Variants in COL5A1 observed in about 807,000 individuals in gnomAD.
The protein encoded by COL5A1 is collagen type V alpha 1 chain, also known as collagen alpha-1(V) chain.
In COL5A1, 16 loss-of-function variants were observed where a neutral mutation model predicts 263.7. That is an observed-to-expected ratio of 0.06 (90% CI 0.04 to 0.09). The LOEUF is 0.09. Among genes scored for constraint, COL5A1 ranks in the 10% least tolerant of loss-of-function variants. The pLI is 1.00. For synonymous variants in COL5A1, 1,012 were observed against 1,004.5 expected (o/e 1.01, Z -0.14); for missense variants, 2,036 against 2,540.5 (o/e 0.80, Z 4.27).
At chr9:134,764,128 G>A in intron 20 of COL5A1, among the ~76,000 whole-genome samples, 1 of 140,406 alleles carries the variant, frequency 7.1e-6, no homozygotes, top group South Asian at 2.4e-4. Context: ...GGGCATGGGG[G>A]TGGGGGGTAC....
intron 41 of COL5A1, among the ~76,000 whole-genome samples, chr9:134,805,914 G>A (rs931723686): frequency 5.9e-5 from 9 of 152,150 alleles, no homozygotes; most frequent in South Asian, 4.1e-4. Flanking sequence ...GGGAGGGGGT[G>A]CCAGGCTTCT....
Position 134,802,927 on chromosome 9 carries a change from C to T in COL5A1, c.3046C>T (p.His1016Tyr). 6.2e-7 allele frequency: 1 copy of T among 1,612,100 alleles called. No homozygotes were observed. Among genetic ancestry groups the T allele is most frequent in the Non-Finnish European group, 8.5e-7 (1 of 1,179,606 alleles). Residue 1016 changes from histidine to tyrosine, a missense_variant, in exon 39 of 66, where the codon CAC becomes TAC. Physicochemically the swap from His to Tyr is moderately conservative, Grantham distance 83. Coordinates refer to ENST00000371817, the MANE Select transcript of COL5A1 (RefSeq NM_000093.5). ...GETGPMGERG[H>Y]PGPPGPPGEQ... ...AACGGGCCCAATGGGTGAGCGTGGC[C>T]ACCCTGGGCCCCCTGGACCCCCCGG...
chr9:134,731,792 A>C, intron 8 of COL5A1, 129 bp downstream of exon 8: 1 of 1,090,612 alleles, frequency 9.2e-7, no homozygotes, highest in Non-Finnish European at 1.3e-6. Flanking sequence ...CCTATTCCCA[A>C]AACTTTATTT....
chr9:134,740,376 C>G (rs959039361), intron 11 of COL5A1, among the ~76,000 whole-genome samples: 1 of 152,226 alleles, frequency 6.6e-6, no homozygotes, highest in Non-Finnish European at 1.5e-5. Context: ...GATGGGGCAA[C>G]GGCCAAGCTC....
chr9:134,826,670 T>C (rs1839279937), intron 63 of COL5A1, among the ~76,000 whole-genome samples: 1 of 142,428 alleles, frequency 7.0e-6, no homozygotes, highest in Admixed American at 6.8e-5. Context: ...GATGGGTGTG[T>C]GTATGGGTGG....
At chr9:134,753,759 T>TCCCCCAGCCCCACCCCAGCCACCCCCC in intron 14 of COL5A1, 91 bp from the exon 15 acceptor site, 1 of 540,648 alleles carries the variant, frequency 1.8e-6, no homozygotes, top group East Asian at 4.5e-5. Context: ...CCCTGTCCCC[T>TCCCCCAGCCCCACCCCAGCCACCCCCC]CCCCCTGCCC....
At chr9:134,823,858 G>A (rs1311473692) in intron 61 of COL5A1, among the ~76,000 whole-genome samples, 3 of 136,790 alleles carry the variant, frequency 2.2e-5, no homozygotes, top group Non-Finnish European at 5.1e-5. Context: ...GTTTGTATGT[G>A]CATGTGTGTG....
chr9:134,756,990 C>T (rs773815657), intron 17 of COL5A1, among the ~76,000 whole-genome samples, 172 bp downstream of exon 17: 53 of 152,240 alleles, frequency 3.5e-4, no homozygotes, highest in Middle Eastern at 3.4e-3. Context: ...CGCCAGCAAG[C>T]GTGACAGTTG....
chr9:134,685,814 A>G (rs1833054946), intron 1 of COL5A1, among the ~76,000 whole-genome samples: 1 of 128,508 alleles, frequency 7.8e-6, no homozygotes, highest in Admixed American at 8.0e-5. Context: ...CTATCCATCC[A>G]TTCATCCATC....
intron 63 of COL5A1, among the ~76,000 whole-genome samples, chr9:134,828,657 C>CAGAT (rs1310904580): frequency 4.8e-5 from 6 of 126,114 alleles, no homozygotes; most frequent in African/African-American, 1.2e-4. Flanking sequence ...ACACATACCA[C>CAGAT]ACACACACCC....
At chr9:134,643,861 G>A (rs1289184704) in intron 1 of COL5A1, among the ~76,000 whole-genome samples, 1 of 152,138 alleles carries the variant, frequency 6.6e-6, no homozygotes, top group African/African-American at 2.4e-5. Context: ...AGACAGCTGG[G>A]GCAGGGCACT....
At position 134,690,949 on chromosome 9, in the gene COL5A1, C is replaced by A; in HGVS notation, c.147C>A (p.His49Gln). 1 of 1,613,852 alleles carries A rather than the reference C, an allele frequency of 6.2e-7. No individual in the cohort carries two copies. The highest frequency in any genetic ancestry group is 8.5e-7 in the Non-Finnish European group (1 of 1,180,044). The change falls in exon 2 of 66, where the codon CAC (histidine) becomes CAA (glutamine). Residue 49 changes from histidine to glutamine, a missense_variant. His to Gln is a conservative substitution (Grantham distance 24, BLOSUM62 0). Coordinates refer to ENST00000371817, the MANE Select transcript of COL5A1 (RefSeq NM_000093.5). ...ATCTCCTGAAGGTTCTAGATTTTCA[C>A]AACTTGCCTGATGGAATAACAAAGA... ...PADLLKVLDFHNLPDGITKTT... is the reference protein window; with the variant it reads ...PADLLKVLDFQNLPDGITKTT...
At chr9:134,801,124 G>A (rs1838098467) in intron 37 of COL5A1, among the ~76,000 whole-genome samples, 1 of 152,270 alleles carries the variant, frequency 6.6e-6, no homozygotes, top group Admixed American at 6.5e-5. Flanking sequence ...AGCCAAGCCA[G>A]GATCGTTATC....
intron 2 of COL5A1, among the ~76,000 whole-genome samples, chr9:134,698,096 C>CA (rs929949983): frequency 6.6e-6 from 1 of 152,116 alleles, no homozygotes; most frequent in East Asian, 1.9e-4. Flanking sequence ...AAAAACCCCA[C>CA]AAAAAAACCC....
Position 134,757,169 on chromosome 9 carries a change from C to A in COL5A1, c.1881+351C>A, listed in dbSNP as rs1035465850. 6.6e-6 allele frequency among the ~76,000 whole-genome samples: 1 copy of A among 152,034 alleles called. No individual in the cohort carries two copies. The highest frequency in any genetic ancestry group is 1.5e-5 in the Non-Finnish European group (1 of 68,014). ...CGGGGGCCAGGGGGTCTTGTCCAGT[C>A]GGGACTCCTGGGTGTTGTGGAGGTG... On this transcript the variant is annotated intron_variant, in intron 17 of 65. Transcript: ENST00000371817. This position sits in a 1 kb window ranked among gnomAD's most constrained non-coding sequence, Gnocchi z 6.2.
intron 63 of COL5A1, among the ~76,000 whole-genome samples, chr9:134,826,659 G>GT (rs879390447): frequency 1.1e-4 from 17 of 149,338 alleles, no homozygotes; most frequent in African/African-American, 3.8e-4. Context: ...TGTGGCTGGT[G>GT]GATGGGTGTG....
At chr9:134,649,912 T>C (rs12555231) in intron 1 of COL5A1, among the ~76,000 whole-genome samples, 3 of 151,972 alleles carry the variant, frequency 2.0e-5, no homozygotes, top group Admixed American at 2.0e-4. Context: ...AAATCATCAT[T>C]CTCAGCAAAC....
At chr9:134,771,347 GC>G (rs1836859335) in intron 25 of COL5A1, among the ~76,000 whole-genome samples, 1 of 152,254 alleles carries the variant, frequency 6.6e-6, no homozygotes, top group Admixed American at 6.5e-5. Flanking sequence ...TTCAGGTCCA[GC>G]CCGGCCACTC....
Position 134,754,217 on chromosome 9 carries a change from C to A in COL5A1, c.1774-56C>A. On this transcript the variant is annotated intron_variant, in intron 15 of 65. Coordinates refer to ENST00000371817, the MANE Select transcript of COL5A1 (RefSeq NM_000093.5). The surrounding 1 kb of genome is among the most constrained non-coding windows in gnomAD (Gnocchi z 4.3). Reference sequence around the variant, plus strand: ...ATGAGCACAGGGACAAGGCTTTGCTCTTTCTCCTGAGAAAGGCGGACTCGC... The same window carrying A: ...ATGAGCACAGGGACAAGGCTTTGCTATTTCTCCTGAGAAAGGCGGACTCGC... The A allele has an allele frequency of 1.3e-6, 2 of 1,585,264 alleles. No homozygotes were observed. The highest frequency in any genetic ancestry group is 2.2e-5 in the South Asian group (2 of 90,498).
Sources: allele counts gnomAD v4.1 joint callset (sites outside exome capture counted in the v4.1 genomes callset), GRCh38; gene constraint gnomAD v4.1.1; non-coding constraint Gnocchi (gnomAD v3.1); transcripts MANE v1.5; gene names NCBI Gene and HGNC (gene_info 2026-07-23, HGNC 2026-07-21).